Variants in CSMD1 observed in about 807,000 individuals in gnomAD.
CSMD1 encodes CUB and Sushi multiple domains 1.
In CSMD1, 213 loss-of-function variants were observed where a neutral mutation model predicts 417.5. The observed-to-expected ratio is 0.51, with a 90% CI of 0.46 to 0.57. The LOEUF (loss-of-function observed/expected upper bound fraction) is 0.57, where lower values mean the gene tolerates loss of function less well. Among genes scored for constraint, CSMD1 ranks in the 20% least tolerant of loss-of-function variants. The pLI is 0.00. For missense variants in CSMD1, 6,923 were observed against 4,529.7 expected, an observed-to-expected ratio of 1.53 and a Z score of -15.17; for synonymous variants, 2,862 against 1,736.8, an observed-to-expected ratio of 1.65 and a Z score of -16.11.
intron 1 of CSMD1, among the ~76,000 whole-genome samples, chr8:4,824,855 A>T (rs1284277687): frequency 1.3e-5 from 2 of 152,130 alleles, no homozygotes; most frequent in Non-Finnish European, 2.9e-5. Context: ...TGTATCTCCA[A>T]GTGAAATGTC....
intron 2 of CSMD1, among the ~76,000 whole-genome samples, chr8:4,464,007 A>G (rs1383908938): frequency 6.6e-6 from 1 of 152,174 alleles, no homozygotes; most frequent in Non-Finnish European, 1.5e-5. Context: ...TTCCTGTTAT[A>G]TCACATGACA....
At chr8:3,203,791 A>G (rs1236973846) in intron 31 of CSMD1, among the ~76,000 whole-genome samples, 1 of 152,166 alleles carries the variant, frequency 6.6e-6, no homozygotes, top group Non-Finnish European at 1.5e-5. Flanking sequence ...TTTGGATGAG[A>G]ATAGAGGAAA....
intron 20 of CSMD1, among the ~76,000 whole-genome samples, chr8:3,366,573 C>T (rs566663853): frequency 6.6e-6 from 1 of 152,310 alleles, no homozygotes; most frequent in Non-Finnish European, 1.5e-5. Context: ...AGCTCATCCT[C>T]AACTGTGTGT....
chr8:4,772,412 T>C (rs1796647749), intron 1 of CSMD1, among the ~76,000 whole-genome samples: 1 of 152,206 alleles, frequency 6.6e-6, no homozygotes, highest in African/African-American at 2.4e-5. Flanking sequence ...ACCCTGATAA[T>C]CCAGAATGAT....
intron 2 of CSMD1, among the ~76,000 whole-genome samples, chr8:4,631,870 T>C (rs1485738082): frequency 2.0e-5 from 3 of 152,224 alleles, no homozygotes; most frequent in Non-Finnish European, 4.4e-5. Context: ...CTAGGCCTTG[T>C]ATTTTACAAT....
chr8:4,346,881 G>T (rs950998596), intron 3 of CSMD1, among the ~76,000 whole-genome samples: 5 of 149,266 alleles, frequency 3.3e-5, no homozygotes, highest in Middle Eastern at 3.2e-3. Flanking sequence ...TGTCATTCTG[G>T]CTGGATTGTA....
chr8:3,052,803 CA>C (rs11318759), intron 49 of CSMD1, among the ~76,000 whole-genome samples, 156 bp from the exon 50 acceptor site: 104,172 of 145,126 alleles, frequency 0.72, 37,879 homozygotes, highest in East Asian at 0.8. Context: ...TTTCTGGAGA[CA>C]AGAGTTTTGT....
At chr8:4,148,832 C>A (rs1247861612) in intron 3 of CSMD1, among the ~76,000 whole-genome samples, 2 of 152,192 alleles carry the variant, frequency 1.3e-5, no homozygotes, top group African/African-American at 4.8e-5. Flanking sequence ...CCTCATGCTG[C>A]CTTTGGCTTG....
At chr8:3,019,591 T>C (rs562694198) in intron 51 of CSMD1, among the ~76,000 whole-genome samples, 5 of 152,312 alleles carry the variant, frequency 3.3e-5, no homozygotes, top group Non-Finnish European at 7.4e-5. Flanking sequence ...ATTTGGAGGC[T>C]TTCCACAAAC....
Position 4,858,754 on chromosome 8 carries a change from G to A in CSMD1, c.85+135578C>T, listed in dbSNP as rs1200601271. Reference sequence around the variant, plus strand: ...AGGAGAACTACAAACCACTGCTCAAGGAAATAAAAGAGGATACAAACAAAT... The same window carrying A: ...AGGAGAACTACAAACCACTGCTCAAAGAAATAAAAGAGGATACAAACAAAT... On this transcript the variant is annotated intron_variant, in intron 1 of 69. Coordinates refer to ENST00000635120, the MANE Select transcript of CSMD1 (RefSeq NM_033225.6). 2.8e-5 allele frequency among the ~76,000 whole-genome samples: 4 copies of A among 143,340 alleles called. No homozygotes were observed. The South Asian group carries it at 7.2e-4, about 26-fold the overall frequency. The allele number at this position is 143,340 out of a possible 152,430, so 94.0% of individuals were successfully genotyped here.
chr8:4,209,307 C>T (rs796410859), intron 3 of CSMD1, among the ~76,000 whole-genome samples: 5 of 152,222 alleles, frequency 3.3e-5, no homozygotes, highest in African/African-American at 1.2e-4. Context: ...CAGTGGTTCC[C>T]ATCTATGAGA....
At chr8:3,815,115 G>C (rs975309871) in intron 5 of CSMD1, among the ~76,000 whole-genome samples, 1 of 152,266 alleles carries the variant, frequency 6.6e-6, no homozygotes, top group East Asian at 1.9e-4. Context: ...AAAATAATTA[G>C]ACATGGGATA....
At chr8:4,448,974 G>T (rs748833865) in intron 2 of CSMD1, among the ~76,000 whole-genome samples, 13 of 152,096 alleles carry the variant, frequency 8.5e-5, no homozygotes, top group Non-Finnish European at 1.6e-4. Context: ...GGATCCTAAG[G>T]TACAAATGGA....
chr8:4,643,061 A>C (rs1803302199), intron 1 of CSMD1, among the ~76,000 whole-genome samples: 1 of 152,200 alleles, frequency 6.6e-6, no homozygotes, highest in African/African-American at 2.4e-5. Context: ...TATCATTTGA[A>C]AGCGTATATA....
At chr8:3,226,822 G>A (rs751300353) in intron 27 of CSMD1, among the ~76,000 whole-genome samples, 18 of 151,800 alleles carry the variant, frequency 1.2e-4, no homozygotes, top group East Asian at 5.8e-4. Context: ...TTTATAAAAG[G>A]GAAAGAAAGA....
chr8:3,623,683 G>C (rs904384495), intron 7 of CSMD1, among the ~76,000 whole-genome samples: 1 of 152,060 alleles, frequency 6.6e-6, no homozygotes, highest in Non-Finnish European at 1.5e-5. Flanking sequence ...TTAAGAATGA[G>C]CTGACTCCAG....
intron 2 of CSMD1, among the ~76,000 whole-genome samples, chr8:4,466,351 T>G (rs945199826): frequency 2.0e-5 from 3 of 151,814 alleles, no homozygotes; most frequent in East Asian, 1.9e-4. Context: ...TTGACAGAGG[T>G]TGACAAGGAC....
At chr8:3,384,354 T>A (rs1364926147) in intron 18 of CSMD1, among the ~76,000 whole-genome samples, 2 of 152,060 alleles carry the variant, frequency 1.3e-5, no homozygotes, top group African/African-American at 2.4e-5. Context: ...AGCAACACTA[T>A]GTCTTAATAG....
intron 3 of CSMD1, among the ~76,000 whole-genome samples, chr8:4,266,265 A>T (rs1447100723): frequency 9.5e-6 from 1 of 105,424 alleles, no homozygotes; most frequent in African/African-American, 2.6e-5. Context: ...ATTTAATACC[A>T]AAGAAAATTT....
Sources: gnomAD v4.1 joint callset for allele counts (sites outside exome capture counted in the v4.1 genomes callset) on GRCh38, gnomAD v4.1.1 for gene constraint, MANE v1.5 for transcripts, NCBI Gene and HGNC (gene_info 2026-07-23, HGNC 2026-07-21) for gene names.